Variants in GPR139 observed in about 807,000 individuals in gnomAD.
The protein encoded by GPR139 is probable G protein-coupled receptor 139.
GPR139 carries 12 observed loss-of-function variants against 25.8 expected under a neutral mutation model. That is an observed-to-expected ratio of 0.47 (90% confidence interval 0.30 to 0.75). GPR139 has a LOEUF of 0.75. Among genes scored for constraint, GPR139 ranks in the 30% least tolerant of loss-of-function variants. GPR139 has a pLI of 0.07. For synonymous variants in GPR139, 184 were observed against 179.9 expected (o/e 1.02, Z -0.18); for missense variants, 380 against 450.2 (o/e 0.84, Z 1.41).
intron 1 of GPR139, among the ~76,000 whole-genome samples, chr16:20,065,155 A>G (rs990901174): frequency 1.3e-5 from 2 of 152,062 alleles, no homozygotes; most frequent in African/African-American, 4.8e-5. Flanking sequence ...GCTGGGCCAT[A>G]TCAAGCCTGC....
chr16:20,047,879 A>T (rs1440739986), intron 1 of GPR139, among the ~76,000 whole-genome samples: 1 of 152,202 alleles, frequency 6.6e-6, no homozygotes, highest in African/African-American at 2.4e-5. Context: ...ATGCTGATAT[A>T]GCACCTATCA....
At chr16:20,061,275 G>GTGGACAGATGGA (rs1477941292) in intron 1 of GPR139, among the ~76,000 whole-genome samples, 10 of 147,072 alleles carry the variant, frequency 6.8e-5, no homozygotes, top group Admixed American at 1.3e-4. Context: ...GGATGGCTGT[G>GTGGACAGATGGA]TGGACAGATG....
intron 1 of GPR139, among the ~76,000 whole-genome samples, chr16:20,041,471 G>C (rs538734303): frequency 1.1e-4 from 16 of 151,864 alleles, no homozygotes; most frequent in African/African-American, 2.9e-4. Flanking sequence ...TCAGCTGAGG[G>C]GTAGAGACCG....
At chr16:20,056,023 T>C (rs1210236817) in intron 1 of GPR139, among the ~76,000 whole-genome samples, 2 of 152,254 alleles carry the variant, frequency 1.3e-5, no homozygotes, top group Non-Finnish European at 2.9e-5. Context: ...AAATGACTAT[T>C]AGTTTAGTGT....
chr16:20,031,081 A>AC lies in GPR139; in HGVS notation c.*653dup, dbSNP rs1390921803. ...TGATAAATAGAAAACTGCCTTTTAG[A>AC]CCCCAGGTTTGAGGTCACAGCTATG... On this transcript the variant is annotated 3_prime_UTR_variant, in exon 2 of 2. Coordinates refer to ENST00000570682, the MANE Select transcript of GPR139 (RefSeq NM_001002911.4). Among the ~76,000 whole-genome samples the AC allele has an allele frequency of 6.6e-6, 1 of 151,958 alleles. No individual in the cohort carries two copies. The highest frequency in any genetic ancestry group is 1.5e-5 in the Non-Finnish European group (1 of 68,006).
intron 1 of GPR139, among the ~76,000 whole-genome samples, chr16:20,049,144 C>A (rs1231933279): frequency 6.6e-6 from 1 of 152,146 alleles, no homozygotes; most frequent in African/African-American, 2.4e-5. Flanking sequence ...TTACTCTAAA[C>A]CTTGAGGACT....
chr16:20,044,130 A>C (rs144868296), intron 1 of GPR139, among the ~76,000 whole-genome samples: 1 of 152,236 alleles, frequency 6.6e-6, no homozygotes, highest in African/African-American at 2.4e-5. Flanking sequence ...CTCAATAAGC[A>C]GTCATGTTAT....
intron 1 of GPR139, among the ~76,000 whole-genome samples, 186 bp from the exon 2 acceptor site, chr16:20,032,855 G>T (rs184160133): frequency 6.6e-6 from 1 of 152,218 alleles, no homozygotes. Context: ...CTATTTTAAA[G>T]TTATGCTTAT....
intron 1 of GPR139, among the ~76,000 whole-genome samples, chr16:20,072,980 G>A (rs541691715): frequency 6.6e-6 from 1 of 152,308 alleles, no homozygotes; most frequent in African/African-American, 2.4e-5. Context: ...CCCCGAGCAA[G>A]AGAGTGCTCA....
intron 1 of GPR139, among the ~76,000 whole-genome samples, chr16:20,033,080 C>T (rs1176525718): frequency 1.3e-5 from 2 of 151,990 alleles, no homozygotes; most frequent in East Asian, 1.9e-4. Flanking sequence ...CCATTATCCT[C>T]ATCTTAGGAA....
chr16:20,053,237 T>C (rs1213387577), intron 1 of GPR139, among the ~76,000 whole-genome samples: 1 of 152,222 alleles, frequency 6.6e-6, no homozygotes, highest in East Asian at 1.9e-4. Flanking sequence ...TTGTTTTCAC[T>C]GACACCCAAA....
intron 1 of GPR139, among the ~76,000 whole-genome samples, chr16:20,035,821 T>C (rs191244485): frequency 1.1e-4 from 17 of 152,354 alleles, no homozygotes; most frequent in Middle Eastern, 6.8e-3. Flanking sequence ...AATACTTATA[T>C]TGAGTTCTGC....
At chr16:20,070,885 C>T in intron 1 of GPR139, 6 of 921,146 alleles carry the variant, frequency 6.5e-6, no homozygotes, top group Non-Finnish European at 7.8e-6. Context: ...TGGGTGGGGA[C>T]CACTGTGGTG....
chr16:20,051,546 C>T (rs1413550435), intron 1 of GPR139, among the ~76,000 whole-genome samples: 1 of 152,152 alleles, frequency 6.6e-6, no homozygotes, highest in Non-Finnish European at 1.5e-5. Flanking sequence ...GTCTAATTAC[C>T]CAGGGGCCTC....
chr16:20,045,242 C>T (rs2057350477), intron 1 of GPR139, among the ~76,000 whole-genome samples: 1 of 152,064 alleles, frequency 6.6e-6, no homozygotes, highest in Non-Finnish European at 1.5e-5. Flanking sequence ...TCAGGTGATC[C>T]ACCAGCCTCG....
chr16:20,031,906 G>A lies in GPR139; in HGVS notation c.891C>T (p.Ala297=), dbSNP rs777959400. 2.1e-5 allele frequency: 34 copies of A among 1,614,108 alleles called. No individual in the cohort carries two copies. Among genetic ancestry groups the A allele is most frequent in the Non-Finnish European group, 2.6e-5 (31 of 1,180,048 alleles). ...FISKRFRTMA[A]ATLKAFFKCQ... Reference sequence around the variant, plus strand: ...ACTTGAAGAAAGCCTTGAGCGTGGCGGCTGCCATGGTGCGGAACCGCTTGC... The same window carrying A: ...ACTTGAAGAAAGCCTTGAGCGTGGCAGCTGCCATGGTGCGGAACCGCTTGC... Residue 297 remains alanine (A), a synonymous_variant, in exon 2 of 2, where the codon GCC becomes GCT. Coordinates refer to ENST00000570682, the MANE Select transcript of GPR139 (RefSeq NM_001002911.4).
Position 20,032,585 on chromosome 16 carries a change from G to A in GPR139, c.212C>T (p.Ala71Val), listed in dbSNP as rs1000112063. Residue 71 changes from alanine to valine, a missense_variant, in exon 2 of 2, where the codon GCT becomes GTT. Physicochemically the swap from Ala to Val is moderately conservative, Grantham distance 64. Coordinates refer to ENST00000570682, the MANE Select transcript of GPR139 (RefSeq NM_001002911.4). ...GAAAAAGAGGACCAAGATGTCGGCA[G>A]CAGCGAGTGCCAAGAGATAGTTGTA... is the stretch of plus-strand genomic sequence containing the variant. ...SSYNYLLALAAADILVLFFIV... is the reference protein window; with the variant it reads ...SSYNYLLALAVADILVLFFIV... The A allele has an allele frequency of 1.2e-6, 2 of 1,614,160 alleles. No homozygotes were observed. Among genetic ancestry groups the A allele is most frequent in the Admixed American group, 1.7e-5 (1 of 60,038 alleles).
chr16:20,066,338 G>C (rs2608181), intron 1 of GPR139, among the ~76,000 whole-genome samples: 1 of 152,132 alleles, frequency 6.6e-6, no homozygotes, highest in South Asian at 2.1e-4. Context: ...GGTGTTTGTC[G>C]GTCTCTGCCA....
chr16:20,032,169 G>A lies in GPR139; in HGVS notation c.628C>T (p.Leu210Phe). 1 of 1,614,218 alleles carries A rather than the reference G, an allele frequency of 6.2e-7. No homozygotes were observed. The highest frequency in any genetic ancestry group is 2.2e-5 in the East Asian group (1 of 44,884). The part of the protein sequence containing the change: ...FILNSIIVYK[L>F]RRKSNFRLRG... ...AGACGAAAATTGCTCTTCCTCCTGA[G>A]CTTGTACACAATGATTGAGTTCAAG... is the stretch of plus-strand genomic sequence containing the variant. The change falls in exon 2 of 2, where the codon CTC (leucine) becomes TTC (phenylalanine). Residue 210 changes from leucine to phenylalanine, a missense_variant. By Grantham distance (22) the Leu-to-Phe change is conservative. Transcript: ENST00000570682.
Sources: allele counts gnomAD v4.1 joint callset (sites outside exome capture counted in the v4.1 genomes callset), GRCh38; gene constraint gnomAD v4.1.1; transcripts MANE v1.5; gene names NCBI Gene and HGNC (gene_info 2026-07-23, HGNC 2026-07-21).